Variants in CRADD observed in about 807,000 individuals in gnomAD.
The protein encoded by CRADD is CARD and death domain containing adaptor protein.
A neutral mutation model predicts 15.5 loss-of-function variants in CRADD; 9 were observed. The ratio of observed to expected loss-of-function variants is 0.58; its 90% CI spans 0.35 to 1.01. The LOEUF is 1.01. CRADD is among the 50% of genes least tolerant of loss of function. The pLI is 0.02. For synonymous variants in CRADD, 118 were observed against 107.6 expected (o/e 1.10, Z -0.60); for missense variants, 227 against 250.3 (o/e 0.91, Z 0.63).
chr12:93,686,174 A>G (rs1489820326), intron 2 of CRADD, among the ~76,000 whole-genome samples: 2 of 149,450 alleles, frequency 1.3e-5, no homozygotes, highest in African/African-American at 2.5e-5. Flanking sequence ...GGTGGCAGGC[A>G]CCTGTAATCC....
At chr12:93,866,577 G>A (rs1473136516) in intron 2 of CRADD, among the ~76,000 whole-genome samples, 2 of 152,020 alleles carry the variant, frequency 1.3e-5, no homozygotes, top group African/African-American at 4.8e-5. Flanking sequence ...TGCCTTTCAT[G>A]TTAGAGGCTT....
intron 2 of CRADD, among the ~76,000 whole-genome samples, chr12:93,685,304 G>A (rs1474917847): frequency 6.6e-6 from 1 of 152,184 alleles, no homozygotes. Flanking sequence ...CAGGGATGGG[G>A]AGGTTGGTTA....
At chr12:93,798,619 C>T (rs1957445639) in intron 2 of CRADD, among the ~76,000 whole-genome samples, 1 of 152,122 alleles carries the variant, frequency 6.6e-6, no homozygotes, top group South Asian at 2.1e-4. Context: ...AGACTGGGCT[C>T]TTGACCATTA....
intron 2 of CRADD, among the ~76,000 whole-genome samples, chr12:93,880,209 A>G (rs1186311691): frequency 1.3e-5 from 2 of 152,104 alleles, no homozygotes; most frequent in East Asian, 3.9e-4. Flanking sequence ...TATCTTACGG[A>G]TCACATTTCA....
chr12:93,749,875 G>A (rs1253073345), intron 2 of CRADD, among the ~76,000 whole-genome samples: 2 of 152,102 alleles, frequency 1.3e-5, no homozygotes, highest in African/African-American at 4.8e-5. Context: ...ATTTTCTCTT[G>A]TCTGTGCTGA....
intron 2 of CRADD, among the ~76,000 whole-genome samples, chr12:93,685,838 C>T (rs1052071475): frequency 6.9e-6 from 1 of 145,938 alleles, no homozygotes; most frequent in African/African-American, 2.5e-5. Flanking sequence ...ACTTAAAATA[C>T]AAAAATTAGC....
intron 2 of CRADD, among the ~76,000 whole-genome samples, chr12:93,882,627 C>G (rs1339736602): frequency 2.6e-5 from 4 of 152,058 alleles, no homozygotes; most frequent in Admixed American, 6.6e-5. Flanking sequence ...GGCTGGGTAA[C>G]TCTCACTTTT....
At chr12:93,771,219 GA>G (rs1220133233) in intron 2 of CRADD, among the ~76,000 whole-genome samples, 1 of 152,130 alleles carries the variant, frequency 6.6e-6, no homozygotes, top group African/African-American at 2.4e-5. Context: ...ATTGACTCCT[GA>G]AACTGGAATT....
chr12:93,868,758 T>C (rs1169053737), intron 2 of CRADD, among the ~76,000 whole-genome samples: 4 of 151,736 alleles, frequency 2.6e-5, no homozygotes, highest in Non-Finnish European at 5.9e-5. Context: ...ATATTATACA[T>C]ATTGAACTGG....
intron 2 of CRADD, among the ~76,000 whole-genome samples, chr12:93,768,715 G>A (rs1481221733): frequency 1.3e-5 from 2 of 152,054 alleles, no homozygotes; most frequent in African/African-American, 4.8e-5. Context: ...ATGCAGAAAA[G>A]TACACAGATC....
chr12:93,804,231 C>T (rs187192764), intron 2 of CRADD, among the ~76,000 whole-genome samples: 44 of 152,150 alleles, frequency 2.9e-4, no homozygotes, highest in Non-Finnish European at 3.4e-4. Flanking sequence ...TATCTGGAAA[C>T]TTGGGTGTTT....
chr12:93,892,456 G>C (rs140232034), intron 2 of CRADD, among the ~76,000 whole-genome samples: 1 of 152,192 alleles, frequency 6.6e-6, no homozygotes, highest in African/African-American at 2.4e-5. Context: ...CGTTGTGATT[G>C]CAACTGTGAC....
chr12:93,879,098 A>T (rs1055179668), intron 2 of CRADD, among the ~76,000 whole-genome samples: 2 of 151,946 alleles, frequency 1.3e-5, no homozygotes, highest in Non-Finnish European at 2.9e-5. Flanking sequence ...CACTATGTTC[A>T]GGGAGAATAC....
chr12:93,725,212 A>G (rs1449147080), intron 2 of CRADD, among the ~76,000 whole-genome samples: 1 of 152,126 alleles, frequency 6.6e-6, no homozygotes, highest in Non-Finnish European at 1.5e-5. Flanking sequence ...TTCACTCACA[A>G]TATTCCCTTT....
intron 2 of CRADD, among the ~76,000 whole-genome samples, chr12:93,768,668 A>G (rs995224978): frequency 6.6e-6 from 1 of 152,214 alleles, no homozygotes; most frequent in Non-Finnish European, 1.5e-5. Flanking sequence ...CAAGCCAATA[A>G]ATATGGATTA....
chr12:93,868,019 C>T (rs1016573413), intron 2 of CRADD, among the ~76,000 whole-genome samples: 2 of 152,088 alleles, frequency 1.3e-5, no homozygotes, highest in Admixed American at 6.6e-5. Flanking sequence ...TTGAAAACAT[C>T]CAGTATTGTT....
intron 2 of CRADD, among the ~76,000 whole-genome samples, chr12:93,805,925 C>T (rs1038069374): frequency 6.6e-6 from 1 of 152,132 alleles, no homozygotes; most frequent in African/African-American, 2.4e-5. Context: ...GGGCAAAGTA[C>T]AGCAAGTCCC....
At chr12:93,817,419 G>C (rs1411252959) in intron 2 of CRADD, among the ~76,000 whole-genome samples, 4 of 152,202 alleles carry the variant, frequency 2.6e-5, no homozygotes, top group Non-Finnish European at 5.9e-5. Flanking sequence ...ACAACCATTT[G>C]AGGTCGATGC....
chr12:93,757,775 A>G (rs1956907648), intron 2 of CRADD, among the ~76,000 whole-genome samples: 1 of 152,064 alleles, frequency 6.6e-6, no homozygotes, highest in Non-Finnish European at 1.5e-5. Flanking sequence ...AAGGGTAGGG[A>G]AAAAAAAGTG....
Sources: allele counts gnomAD v4.1 joint callset (sites outside exome capture counted in the v4.1 genomes callset), GRCh38; gene constraint gnomAD v4.1.1; transcripts MANE v1.5; gene names NCBI Gene and HGNC (gene_info 2026-07-23, HGNC 2026-07-21).